The following PTPRM variants were observed in gnomAD, a reference collection of about 807,000 sequenced individuals.
PTPRM encodes protein tyrosine phosphatase receptor type M.
In PTPRM, 47 loss-of-function variants were observed where a neutral mutation model predicts 186.7. The ratio of observed to expected loss-of-function variants is 0.25; its 90% CI spans 0.20 to 0.32. The LOEUF (loss-of-function observed/expected upper bound fraction) is 0.32, where lower values mean the gene tolerates loss of function less well. PTPRM is among the 10% of genes least tolerant of loss of function. The probability of loss-of-function intolerance (pLI) is 1.00; values close to 1 mark genes in which losing one functional copy is unlikely to be tolerated. For synonymous variants in PTPRM, 668 were observed against 674.9 expected (o/e 0.99, Z 0.16); for missense variants, 1,494 against 1,865.0 (o/e 0.80, Z 3.66).
At chr18:8,065,980 G>T (rs938406427) in intron 7 of PTPRM, among the ~76,000 whole-genome samples, 1 of 152,162 alleles carries the variant, frequency 6.6e-6, no homozygotes, top group East Asian at 1.9e-4. Flanking sequence ...TAACTCACTA[G>T]AGTAAATGTC....
intron 5 of PTPRM, among the ~76,000 whole-genome samples, chr18:7,934,605 T>C (rs1021044804): frequency 1.4e-4 from 21 of 152,208 alleles, no homozygotes; most frequent in Non-Finnish European, 1.5e-5. Flanking sequence ...AGCAGGTGTG[T>C]TTGAAATAAA....
chr18:8,381,178 C>A (rs1476990226), intron 29 of PTPRM, among the ~76,000 whole-genome samples: 1 of 151,980 alleles, frequency 6.6e-6, no homozygotes, highest in Non-Finnish European at 1.5e-5. Context: ...GGTTGTCAGG[C>A]AAGCATTAGC....
At chr18:7,894,478 C>T (rs1031901337) in intron 3 of PTPRM, among the ~76,000 whole-genome samples, 3 of 151,478 alleles carry the variant, frequency 2.0e-5, no homozygotes, top group African/African-American at 7.3e-5. Context: ...CCCAGCTACT[C>T]GGGAGGCTGA....
At chr18:7,959,798 C>T (rs1038211157) in intron 7 of PTPRM, among the ~76,000 whole-genome samples, 2 of 152,090 alleles carry the variant, frequency 1.3e-5, no homozygotes, top group Non-Finnish European at 2.9e-5. Flanking sequence ...TGATAAAATG[C>T]CCTGTCAATA....
In PTPRM at chr18:8,379,211, C is replaced by T. The variant is rs1417996845; in HGVS notation, c.3657C>T (p.Ser1219=). 1.2e-6 allele frequency: 2 copies of T among 1,613,842 alleles called. No homozygotes were observed. The highest frequency in any genetic ancestry group is 2.2e-5 in the South Asian group (2 of 91,010). Residue 1219 remains serine (S), a synonymous_variant, in exon 28 of 33, where the codon AGC becomes AGT. Coordinates refer to ENST00000580170, the MANE Select transcript of PTPRM (RefSeq NM_001105244.2). ...CAACGCTGCGAGTAGAGGACTGCAG[C>T]ATCGCACTGTTGCCCCGGAACCATG... The part of the protein sequence containing the change: ...VTPTLRVEDC[S]IALLPRNHEK...
chr18:7,751,356 T>C (rs1568077583), intron 1 of PTPRM: 2 of 152,242 alleles, frequency 1.3e-5, no homozygotes, highest in Non-Finnish European at 2.9e-5. Flanking sequence ...TTCAACGTTT[T>C]TGTATCCCTC....
intron 5 of PTPRM, among the ~76,000 whole-genome samples, chr18:7,931,632 C>T (rs574022727): frequency 9.2e-5 from 14 of 152,176 alleles, no homozygotes; most frequent in African/African-American, 3.4e-4. Flanking sequence ...ACCCGGAAGG[C>T]GGAGGTTGCA....
At chr18:7,859,653 T>C (rs2047262015) in intron 2 of PTPRM, among the ~76,000 whole-genome samples, 1 of 152,210 alleles carries the variant, frequency 6.6e-6, no homozygotes, top group Non-Finnish European at 1.5e-5. Flanking sequence ...CCAGGATGGC[T>C]GCCAGAGGGA....
chr18:8,332,054 G>A (rs1166660623), intron 22 of PTPRM, among the ~76,000 whole-genome samples: 1 of 152,058 alleles, frequency 6.6e-6, no homozygotes, highest in African/African-American at 2.4e-5. Flanking sequence ...ATTACACAGG[G>A]GTGTTTTAGA....
At chr18:8,190,532 C>A (rs1013737283) in intron 14 of PTPRM, among the ~76,000 whole-genome samples, 1 of 152,126 alleles carries the variant, frequency 6.6e-6, no homozygotes, top group South Asian at 2.1e-4. Flanking sequence ...GTCTTCCTTC[C>A]CTTTCAGAAA....
chr18:8,285,644 TATTCCTTC>T (rs1048087013), intron 19 of PTPRM, among the ~76,000 whole-genome samples: 2 of 152,186 alleles, frequency 1.3e-5, no homozygotes, highest in Non-Finnish European at 2.9e-5. Context: ...GATTGGATGC[TATTCCTTC>T]ATTTTTGTTG....
intron 4 of PTPRM, among the ~76,000 whole-genome samples, chr18:7,919,740 G>A (rs985275340): frequency 6.6e-6 from 1 of 152,090 alleles, no homozygotes; most frequent in Non-Finnish European, 1.5e-5. Flanking sequence ...TTGGTGTAGC[G>A]TGTAGTTTAA....
chr18:8,149,569 A>G (rs1285561571), intron 14 of PTPRM, among the ~76,000 whole-genome samples: 1 of 152,164 alleles, frequency 6.6e-6, no homozygotes, highest in Admixed American at 6.5e-5. Context: ...GGTCTCCTGA[A>G]TACAGCACAC....
At position 7,733,783 on chromosome 18, in the gene PTPRM, C is replaced by G. The variant is rs978795926; in HGVS notation, c.74-40366C>G. On this transcript the variant is annotated intron_variant, in intron 1 of 32. Coordinates refer to ENST00000580170, the MANE Select transcript of PTPRM (RefSeq NM_001105244.2). ...GAGTTGAAGAGGCCAGGCTCCTCCC[C>G]TGCATAAGGCACAAATTCCTGGTGG... 2.0e-5 allele frequency among the ~76,000 whole-genome samples: 3 copies of G among 152,312 alleles called. No individual in the cohort carries two copies. In the East Asian group the frequency reaches 5.8e-4, roughly 30 times the overall value.
chr18:8,098,990 C>A (rs926439795), intron 11 of PTPRM, among the ~76,000 whole-genome samples: 6 of 152,140 alleles, frequency 3.9e-5, no homozygotes, highest in African/African-American at 1.4e-4. Flanking sequence ...TCCCTTCCAC[C>A]TGTAAATATT....
In PTPRM at chr18:7,583,962, G is replaced by A. The variant is rs1598458783; in HGVS notation, c.73+16071G>A. Among the ~76,000 whole-genome samples, 7 of 152,272 alleles carry A rather than the reference G, an allele frequency of 4.6e-5. No individual in the cohort carries two copies. In the South Asian group the frequency reaches 1.2e-3, roughly 27 times the overall value. On this transcript the variant is annotated intron_variant, in intron 1 of 32. Transcript: ENST00000580170. ...TTTAGAACAAATTTCATTGCCTTTT[G>A]AGGCTTGACAAAGTAAAGAAAACAT...
At chr18:8,164,388 A>G (rs1199389812) in intron 14 of PTPRM, among the ~76,000 whole-genome samples, 1 of 152,254 alleles carries the variant, frequency 6.6e-6, no homozygotes, top group African/African-American at 2.4e-5. Flanking sequence ...TCAAACAAAT[A>G]TTTGTATACC....
At position 7,858,866 on chromosome 18, in the gene PTPRM, C is replaced by T. The variant is rs543026306; in HGVS notation, c.197-29240C>T. On this transcript the variant is annotated intron_variant, in intron 2 of 32. Coordinates refer to ENST00000580170, the MANE Select transcript of PTPRM (RefSeq NM_001105244.2). ...CCAAGGATATCTATAAACAAGTCCT[C>T]CCAGAGCTGATATCCCAGTGGACGA... Among the ~76,000 whole-genome samples the T allele has an allele frequency of 4.9e-4, 75 of 152,264 alleles. No individual in the cohort carries two copies. In the South Asian group the frequency reaches 0.015, roughly 31 times the overall value.
At chr18:7,839,217 C>A (rs145978106) in intron 2 of PTPRM, among the ~76,000 whole-genome samples, 1,699 of 152,278 alleles carry the variant, frequency 0.011, 13 homozygotes, top group South Asian at 0.023. Flanking sequence ...CAAGACAAAG[C>A]CCTCTTCATT....
Sources: gnomAD v4.1 joint callset for allele counts (sites outside exome capture counted in the v4.1 genomes callset) on GRCh38, gnomAD v4.1.1 for gene constraint, MANE v1.5 for transcripts, NCBI Gene and HGNC (gene_info 2026-07-23, HGNC 2026-07-21) for gene names.